Variants in LZTS1 observed in about 807,000 individuals in gnomAD.
LZTS1 encodes the protein leucine zipper putative tumor suppressor 1.
In LZTS1, 31 loss-of-function variants were observed where a neutral mutation model predicts 45.8. The observed-to-expected ratio is 0.68, with a 90% CI of 0.51 to 0.91. The LOEUF (loss-of-function observed/expected upper bound fraction) is 0.91, where lower values mean the gene tolerates loss of function less well. Ranked by LOEUF, LZTS1 falls within the 40% of genes least tolerant of loss-of-function variation. The probability of loss-of-function intolerance (pLI) is 0.00; values close to 1 mark genes in which losing one functional copy is unlikely to be tolerated. For missense variants in LZTS1, 821 were observed against 788.9 expected (o/e 1.04, Z -0.49); for synonymous variants, 359 against 357.3 (o/e 1.00, Z -0.05).
At chr8:20,287,897 CAAAAAAAAAAAAAA>C (rs34653802) in intron 1 of LZTS1, among the ~76,000 whole-genome samples, 5 of 54,110 alleles carry the variant, frequency 9.2e-5, no homozygotes, top group South Asian at 9.3e-4. Flanking sequence ...GCACTCCAGC[CAAAAAAAAAAAAAA>C]AAAAAAAAAA....
rs914033770 is a variant in LZTS1, at chr8:20,249,428, G to A, written c.*294C>T. 1 of 361,380 alleles carries A rather than the reference G, an allele frequency of 2.8e-6. No individual in the cohort carries two copies. Among genetic ancestry groups the A allele is most frequent in the Non-Finnish European group, 5.0e-6 (1 of 198,282 alleles). 22.4% of individuals were successfully genotyped at this position (361,380 alleles called of 1,614,324 possible). A position where few individuals can be genotyped will look rare whatever the true frequency, so the allele number is the denominator to read the frequency against. ...AGGAGGGGGAGAGGATATCTATTTCGAACAAAGGCCAAAGTTTAGGGAGCC... is the reference window on the plus strand; with the variant it reads ...AGGAGGGGGAGAGGATATCTATTTCAAACAAAGGCCAAAGTTTAGGGAGCC... On this transcript the variant is annotated 3_prime_UTR_variant, in exon 4 of 4. Coordinates refer to ENST00000381569, the MANE Select transcript of LZTS1 (RefSeq NM_021020.5).
At chr8:20,286,891 A>C (rs1290622626) in intron 1 of LZTS1, among the ~76,000 whole-genome samples, 7 of 152,192 alleles carry the variant, frequency 4.6e-5, no homozygotes, top group African/African-American at 1.7e-4. Flanking sequence ...AAGATGTTTA[A>C]AAAGAGGTAA....
intron 1 of LZTS1, among the ~76,000 whole-genome samples, chr8:20,260,306 G>T (rs370079605): frequency 6.6e-6 from 1 of 152,158 alleles, no homozygotes; most frequent in African/African-American, 2.4e-5. Context: ...TCAGCTCACT[G>T]CAAATTTAGG....
intron 1 of LZTS1, among the ~76,000 whole-genome samples, chr8:20,259,587 C>T (rs981931952): frequency 6.6e-6 from 1 of 152,176 alleles, no homozygotes; most frequent in Admixed American, 6.5e-5. Context: ...GCGGACTCCT[C>T]ACCTTGTCCC....
intron 1 of LZTS1, among the ~76,000 whole-genome samples, chr8:20,293,237 C>T (rs1378339353): frequency 6.6e-6 from 1 of 152,218 alleles, no homozygotes; most frequent in Non-Finnish European, 1.5e-5. Context: ...CCCTCTGCCT[C>T]TGACTTCAGT....
chr8:20,256,898 G>C (rs1021697529), intron 1 of LZTS1, among the ~76,000 whole-genome samples: 1 of 152,168 alleles, frequency 6.6e-6, no homozygotes, highest in Non-Finnish European at 1.5e-5. Flanking sequence ...AGCGGATGCA[G>C]AAAGACAAGA....
intron 1 of LZTS1, among the ~76,000 whole-genome samples, chr8:20,274,402 G>A (rs1800533473): frequency 6.6e-6 from 1 of 152,050 alleles, no homozygotes; most frequent in Non-Finnish European, 1.5e-5. Flanking sequence ...CCTCATCCTA[G>A]GGAACCCCTT....
intron 1 of LZTS1, 108 bp downstream of exon 1, chr8:20,303,632 G>C (rs1801120575): frequency 1.1e-6 from 1 of 912,846 alleles, no homozygotes; most frequent in African/African-American, 1.8e-5. Context: ...AAGACCGACG[G>C]ACGCGCGGAC....
intron 1 of LZTS1, among the ~76,000 whole-genome samples, chr8:20,275,351 G>C (rs1585293833): frequency 1.1e-5 from 1 of 90,730 alleles, no homozygotes; most frequent in Non-Finnish European, 2.6e-5. Context: ...GCAGTAAGCC[G>C]AGATGATCGC....
intron 1 of LZTS1, among the ~76,000 whole-genome samples, chr8:20,302,363 C>G (rs1801095372): frequency 6.6e-6 from 1 of 152,170 alleles, no homozygotes; most frequent in African/African-American, 2.4e-5. Flanking sequence ...AACACCTTTC[C>G]CGTCTGTACA....
At position 20,303,844 on chromosome 8, in the gene LZTS1, G is replaced by C. The variant is rs1038714670; in HGVS notation, c.-239C>G. On this transcript the variant is annotated 5_prime_UTR_variant, in exon 1 of 4. Transcript: ENST00000381569. ...CAGAGCTGCTGAGCGGGCCGGGCCGGTCCCACTGCGCGGGATGCAGCTCCC... is the reference window on the plus strand; with the variant it reads ...CAGAGCTGCTGAGCGGGCCGGGCCGCTCCCACTGCGCGGGATGCAGCTCCC... 224 of 985,082 alleles carry C rather than the reference G, an allele frequency of 2.3e-4. No individual in the cohort carries two copies. The highest frequency in any genetic ancestry group is 2.6e-4 in the Non-Finnish European group (214 of 829,858). 61.0% of individuals were successfully genotyped at this position (985,082 alleles called of 1,614,324 possible). A position where few individuals can be genotyped will look rare whatever the true frequency, so the allele number is the denominator to read the frequency against.
Position 20,248,711 on chromosome 8 carries a change from T to C in LZTS1, c.*1011A>G, listed in dbSNP as rs889878670. On this transcript the variant is annotated 3_prime_UTR_variant, in exon 4 of 4. Transcript: ENST00000381569. ...AGAGGAGGAAAATGCCCAGATCACA[T>C]ATATGCCATCTTAGTGATATGGGCT... 1 of 152,146 alleles carries C rather than the reference T, an allele frequency of 6.6e-6. No individual in the cohort carries two copies. The highest frequency in any genetic ancestry group is 6.5e-5 in the Admixed American group (1 of 15,284). 9.4% of individuals were successfully genotyped at this position (152,146 alleles called of 1,614,324 possible). A position where few individuals can be genotyped will look rare whatever the true frequency, so the allele number is the denominator to read the frequency against.
intron 1 of LZTS1, among the ~76,000 whole-genome samples, chr8:20,259,730 A>ACAT (rs925285500): frequency 7.2e-5 from 11 of 152,032 alleles, no homozygotes; most frequent in African/African-American, 2.7e-4. Context: ...CTCTTCACAT[A>ACAT]CATCAGCCTT....
intron 1 of LZTS1, among the ~76,000 whole-genome samples, chr8:20,266,309 G>A (rs1800353396): frequency 6.6e-6 from 1 of 152,120 alleles, no homozygotes; most frequent in South Asian, 2.1e-4. Flanking sequence ...TTACCAGTGT[G>A]AGCCATCACA....
intron 1 of LZTS1, among the ~76,000 whole-genome samples, chr8:20,299,418 C>T (rs115482253): frequency 1.6e-3 from 237 of 152,332 alleles, no homozygotes; most frequent in African/African-American, 5.6e-3. Flanking sequence ...TTTGCAGCAA[C>T]CTAATACAAT....
rs569968765 is a variant in LZTS1 at position 20,253,421 on chromosome 8, C to A, written c.510G>T (p.Ala170=). The A allele has an allele frequency of 1.2e-6, 2 of 1,611,068 alleles. No individual in the cohort carries two copies. The highest frequency in any genetic ancestry group is 2.2e-5 in the East Asian group (1 of 44,816). Residue 170 remains alanine, a synonymous_variant, in exon 3 of 4, where the codon GCG becomes GCT. Transcript: ENST00000381569. ...QELKPGLCSG[A]LSDSGRNSMS... ...TGGAGTTCCGGCCGGAGTCTGACAG[C>A]GCCCCAGAGCACAGGCCAGGCTTCA... is the stretch of plus-strand genomic sequence containing the variant.
Position 20,248,933 on chromosome 8 carries a change from G to A in LZTS1, c.*789C>T, listed in dbSNP as rs1799807484. On this transcript the variant is annotated 3_prime_UTR_variant, in exon 4 of 4. Transcript: ENST00000381569. ...CCTCCCTTCCCAGCACCCAGCCCAG[G>A]GCCTCAGGGTCTATGGCTTAAAGAA... The A allele has an allele frequency of 6.5e-6, 1 of 152,778 alleles. No individual in the cohort carries two copies. Among genetic ancestry groups the A allele is most frequent in the Admixed American group, 6.5e-5 (1 of 15,272 alleles). 9.5% of individuals were successfully genotyped at this position (152,778 alleles called of 1,614,324 possible).
intron 3 of LZTS1, among the ~76,000 whole-genome samples, chr8:20,251,995 TG>T: frequency 6.6e-6 from 1 of 152,166 alleles, no homozygotes; most frequent in East Asian, 1.9e-4. Flanking sequence ...GACTCTGAAC[TG>T]GGGGTGAGGC....
intron 1 of LZTS1, among the ~76,000 whole-genome samples, chr8:20,274,879 T>TCGACCTAAC (rs1445486637): frequency 6.6e-6 from 1 of 152,138 alleles, no homozygotes; most frequent in Non-Finnish European, 1.5e-5. Context: ...CAGTGACCCC[T>TCGACCTAAC]CGACCTAACC....
Sources: allele counts gnomAD v4.1 joint callset (sites outside exome capture counted in the v4.1 genomes callset), GRCh38; gene constraint gnomAD v4.1.1; transcripts MANE v1.5; gene names NCBI Gene and HGNC (gene_info 2026-07-23, HGNC 2026-07-21).